PTPRM: variants seen among roughly 807,000 people sequenced by gnomAD.
PTPRM encodes protein tyrosine phosphatase receptor type M.
PTPRM carries 47 observed loss-of-function variants against 186.7 expected under a neutral mutation model. The ratio of observed to expected loss-of-function variants is 0.25; its 90% CI spans 0.20 to 0.32. The LOEUF (loss-of-function observed/expected upper bound fraction) is 0.32. PTPRM is among the 10% of genes least tolerant of loss of function. The pLI is 1.00. For synonymous variants in PTPRM, 668 were observed against 674.9 expected (o/e 0.99, Z 0.16); for missense variants, 1,494 against 1,865.0 (o/e 0.80, Z 3.66).
intron 1 of PTPRM, among the ~76,000 whole-genome samples, chr18:7,745,593 A>G (rs1056587886): frequency 1.3e-5 from 2 of 152,216 alleles, no homozygotes; most frequent in African/African-American, 4.8e-5. Flanking sequence ...ACTCATCACA[A>G]TTACTGATTA....
intron 1 of PTPRM, among the ~76,000 whole-genome samples, chr18:7,696,760 C>T (rs974934683): frequency 5.9e-5 from 9 of 152,334 alleles, no homozygotes; most frequent in East Asian, 5.8e-4. Context: ...ATACAACTCA[C>T]GAACTATTTG....
At position 7,966,594 on chromosome 18, in the gene PTPRM, TGCGCGCACC is replaced by T. The variant is rs367722565; in HGVS notation, c.1132+11182_1132+11190del. On this transcript the variant is annotated intron_variant, in intron 7 of 32. Coordinates refer to ENST00000580170, the MANE Select transcript of PTPRM (RefSeq NM_001105244.2). Reference sequence around the variant, plus strand: ...CAGACAGTGGGCTCAGGTCAGTGGGTGCGCGCACCGTGCGCGAGCCGAAGCAGGGCGAGG... The same window carrying T: ...CAGACAGTGGGCTCAGGTCAGTGGGTGTGCGCGAGCCGAAGCAGGGCGAGG... Among the ~76,000 whole-genome samples, 1,382 of 142,238 alleles carry T rather than the reference TGCGCGCACC, an allele frequency of 9.7e-3. 11 individuals carry two copies. Among genetic ancestry groups the T allele is most frequent in the Non-Finnish European group, 0.014 (858 of 62,992 alleles). 93.3% of individuals were successfully genotyped at this position (142,238 alleles called of 152,430 possible).
rs146926549 is a variant in PTPRM at position 7,838,940 on chromosome 18, C to T, written c.197-49166C>T. 2.3e-3 allele frequency among the ~76,000 whole-genome samples: 353 copies of T among 152,328 alleles called. 2 individuals carry two copies. Among genetic ancestry groups the T allele is most frequent in the African/African-American group, 8.0e-3 (334 of 41,586 alleles). On this transcript the variant is annotated intron_variant, in intron 2 of 32. Coordinates refer to ENST00000580170, the MANE Select transcript of PTPRM (RefSeq NM_001105244.2). ...CAAAGGCAGAGGTGCCTCATTCCAT[C>T]GCCACAGCCACCATGGGCCCACAGG...
chr18:7,694,014 G>A (rs751201817), intron 1 of PTPRM, among the ~76,000 whole-genome samples: 1 of 152,324 alleles, frequency 6.6e-6, no homozygotes, highest in South Asian at 2.1e-4. Flanking sequence ...TCAGTAGGCC[G>A]TGGGGTGTCA....
intron 23 of PTPRM, among the ~76,000 whole-genome samples, chr18:8,362,523 G>A (rs1470746904): frequency 6.6e-6 from 1 of 152,050 alleles, no homozygotes; most frequent in African/African-American, 2.4e-5. Context: ...TGCTGCTGTC[G>A]GAGGATCGCG....
intron 14 of PTPRM, among the ~76,000 whole-genome samples, chr18:8,213,165 A>G (rs1260473390): frequency 6.6e-6 from 1 of 152,204 alleles, no homozygotes; most frequent in Non-Finnish European, 1.5e-5. Flanking sequence ...GTTTTTTGTT[A>G]TAGATGTTTA....
intron 14 of PTPRM, among the ~76,000 whole-genome samples, chr18:8,199,244 A>T (rs1018744457): frequency 6.6e-6 from 1 of 152,176 alleles, no homozygotes. Flanking sequence ...CTTATGTTGC[A>T]GCTGAGGAAA....
At chr18:8,057,425 C>CTTTTTTTTTTTTTTTTTTTTTTGTTTT (rs763829289) in intron 7 of PTPRM, among the ~76,000 whole-genome samples, 3 of 102,560 alleles carry the variant, frequency 2.9e-5, no homozygotes, top group Admixed American at 9.5e-5. Flanking sequence ...TGTGATACTT[C>CTTTTTTTTTTTTTTTTTTTTTTGTTTT]TTTTTTTTTT....
intron 2 of PTPRM, among the ~76,000 whole-genome samples, chr18:7,862,576 A>G (rs957144247): frequency 2.0e-5 from 3 of 152,196 alleles, no homozygotes; most frequent in African/African-American, 7.2e-5. Flanking sequence ...AGTTTTAAGC[A>G]AGTGAATGGA....
chr18:8,378,554 C>A, intron 27 of PTPRM, 140 bp downstream of exon 27: 1 of 1,032,298 alleles, frequency 9.7e-7, no homozygotes, highest in Non-Finnish European at 1.4e-6. Context: ...CTGGGTAACC[C>A]AGAGCTCTAC....
At chr18:8,085,462 G>T (rs539902102) in intron 9 of PTPRM, among the ~76,000 whole-genome samples, 2 of 152,210 alleles carry the variant, frequency 1.3e-5, no homozygotes, top group East Asian at 3.9e-4. Context: ...CTAATCTACT[G>T]GCTTAAGTTC....
rs150351430 is a variant in PTPRM, at chr18:7,848,816, T to G, written c.197-39290T>G. Among the ~76,000 whole-genome samples the G allele has an allele frequency of 1.5e-3, 234 of 152,318 alleles. 2 individuals are homozygous for G. Among genetic ancestry groups the G allele is most frequent in the African/African-American group, 5.4e-3 (225 of 41,582 alleles). On this transcript the variant is annotated intron_variant, in intron 2 of 32. Coordinates refer to ENST00000580170, the MANE Select transcript of PTPRM (RefSeq NM_001105244.2). ...AAATTTGCTTTGGGAAATTTCTACTTTACACAGTGAGAGTAAGCCACTGTT... is the reference window on the plus strand; with the variant it reads ...AAATTTGCTTTGGGAAATTTCTACTGTACACAGTGAGAGTAAGCCACTGTT...
intron 2 of PTPRM, among the ~76,000 whole-genome samples, chr18:7,843,077 A>G (rs2046432973): frequency 6.6e-6 from 1 of 151,760 alleles, no homozygotes; most frequent in Non-Finnish European, 1.5e-5. Context: ...CCTGGCTTAT[A>G]CAATCTCCAT....
chr18:8,278,315 T>C (rs2147707151), intron 19 of PTPRM, among the ~76,000 whole-genome samples: 1 of 152,336 alleles, frequency 6.6e-6, no homozygotes, highest in Admixed American at 6.5e-5. Context: ...TAATTTAACC[T>C]GAGTGCACAA....
At chr18:7,587,155 C>T (rs897482838) in intron 1 of PTPRM, among the ~76,000 whole-genome samples, 5 of 152,074 alleles carry the variant, frequency 3.3e-5, no homozygotes, top group Non-Finnish European at 7.4e-5. Context: ...GTTGAATTAT[C>T]ACTAGTATGT....
rs560921354 is a variant in PTPRM at position 7,926,756 on chromosome 18, A to G, written c.663+73A>G. ...TACACTCCCCCTGGAGGAGGAACCC[A>G]GAGAAACAGACTCAGGTCCTAGTGT... is the stretch of plus-strand genomic sequence containing the variant. On this transcript the variant is annotated intron_variant, in intron 5 of 32. Transcript: ENST00000580170. 4 of 1,080,644 alleles carry G rather than the reference A, an allele frequency of 3.7e-6. No individual in the cohort carries two copies. The East Asian group carries it at 1.0e-4, about 28-fold the overall frequency. 66.9% of individuals were successfully genotyped at this position (1,080,644 alleles called of 1,614,324 possible). A position where few individuals can be genotyped will look rare whatever the true frequency, so the allele number is the denominator to read the frequency against.
At chr18:7,924,963 A>G (rs959433131) in intron 4 of PTPRM, among the ~76,000 whole-genome samples, 13 of 152,180 alleles carry the variant, frequency 8.5e-5, no homozygotes, top group African/African-American at 2.4e-4. Context: ...TCTTACACTT[A>G]CTAGCCAAGT....
intron 19 of PTPRM, among the ~76,000 whole-genome samples, chr18:8,265,886 C>T (rs918347071): frequency 1.3e-5 from 2 of 152,062 alleles, no homozygotes; most frequent in African/African-American, 4.8e-5. Flanking sequence ...GCTGGATTTC[C>T]AGTTTCATGG....
At chr18:8,267,083 A>G (rs999999280) in intron 19 of PTPRM, among the ~76,000 whole-genome samples, 21 of 152,304 alleles carry the variant, frequency 1.4e-4, no homozygotes, top group African/African-American at 4.6e-4. Flanking sequence ...TTCAGTGTTA[A>G]TTATAAATAC....
Sources: gnomAD v4.1 joint callset for allele counts (sites outside exome capture counted in the v4.1 genomes callset) on GRCh38, gnomAD v4.1.1 for gene constraint, MANE v1.5 for transcripts, NCBI Gene and HGNC (gene_info 2026-07-23, HGNC 2026-07-21) for gene names.